Variants in WDR90 observed in about 807,000 individuals in gnomAD.
The protein encoded by WDR90 is WD repeat domain 90.
A neutral mutation model predicts 195.2 loss-of-function variants in WDR90; 238 were observed. The ratio of observed to expected loss-of-function variants is 1.22; its 90% CI spans 1.10 to 1.36. The LOEUF is 1.36. Ranked by LOEUF, WDR90 falls within the 40% of genes most tolerant of loss-of-function variation. The pLI is 0.00. For synonymous variants in WDR90, 1,265 were observed against 1,052.4 expected (o/e 1.20, Z -3.91); for missense variants, 2,734 against 2,439.5 (o/e 1.12, Z -2.54).
At chr16:664,389 C>A (rs2037982012) in intron 34 of WDR90, among the ~76,000 whole-genome samples, 1 of 152,220 alleles carries the variant, frequency 6.6e-6, no homozygotes, top group South Asian at 2.1e-4. Context: ...AGCCAGTCAT[C>A]CCTCTTGATG....
rs753023719 is a variant in WDR90 at position 658,259 on chromosome 16, C to T, written c.2681C>T (p.Pro894Leu). ...TCAGCCATGGCTGTGTGCTTTGGCCCTGCAGCTCTGGGCCACCTGCTGGTG... is the reference window on the plus strand; with the variant it reads ...TCAGCCATGGCTGTGTGCTTTGGCCTTGCAGCTCTGGGCCACCTGCTGGTG... ...LDSAMAVCFG[P>L]AALGHLLVST... The change falls in exon 22 of 41, where the codon CCT becomes CTT. Residue 894 changes from proline (P) to leucine (L), a missense_variant. Coordinates refer to ENST00000293879, the MANE Select transcript of WDR90 (RefSeq NM_145294.5). 4 of 1,612,540 alleles carry T rather than the reference C, an allele frequency of 2.5e-6. No individual in the cohort carries two copies. In the African/African-American group the frequency reaches 4.0e-5, roughly 16 times the overall value.
Position 656,395 on chromosome 16 carries a change from C to A in WDR90, c.2060C>A (p.Thr687Lys), listed in dbSNP as rs756640844. Reference sequence around the variant, plus strand: ...TCGGGCCACCTGGGCTTCCTGGACACGCTGTCCCGGGTGTACCACATGCTG... The same window carrying A: ...TCGGGCCACCTGGGCTTCCTGGACAAGCTGTCCCGGGTGTACCACATGCTG... ...TSSGHLGFLD[T>K]LSRVYHMLAR... The change falls in exon 18 of 41, where the codon ACG (threonine) becomes AAG (lysine). Residue 687 changes from threonine (T) to lysine (K), a missense_variant. Transcript: ENST00000293879. 3.7e-6 allele frequency: 6 copies of A among 1,608,592 alleles called. No individual in the cohort carries two copies. The Admixed American group carries it at 6.7e-5, about 18-fold the overall frequency.
At position 655,717 on chromosome 16, in the gene WDR90, C is replaced by T. The variant is rs996236116; in HGVS notation, c.1849+14C>T. The T allele has an allele frequency of 6.3e-7, 1 of 1,582,908 alleles. No individual in the cohort carries two copies. Among genetic ancestry groups the T allele is most frequent in the Admixed American group, 1.8e-5 (1 of 55,990 alleles). On this transcript the variant is annotated intron_variant, in intron 16 of 40. Transcript: ENST00000293879. The stretch of plus-strand genomic sequence containing the variant: ...CCTTCAGCTCAGGTAAGAGGGCGCC[C>T]ACCACGTGGCCAGGGTGGCAGGGAC...
At position 650,099 on chromosome 16, in the gene WDR90, T is replaced by A. The variant is rs367590677; in HGVS notation, c.211T>A (p.Tyr71Asn). 7.4e-5 allele frequency: 120 copies of A among 1,612,948 alleles called. No individual in the cohort carries two copies. The highest frequency in any genetic ancestry group is 1.0e-4 in the Non-Finnish European group (118 of 1,179,974). Reference sequence around the variant, plus strand: ...CCAGTCTCTGGGGCTGACGGGACGATACCTGTATGTGCTCTTTCGGCCCCT... The same window carrying A: ...CCAGTCTCTGGGGCTGACGGGACGAAACCTGTATGTGCTCTTTCGGCCCCT... ...STQSLGLTGR[Y>N]LYVLFRPLPS... The change falls in exon 3 of 41, where the codon TAC becomes AAC. Residue 71 changes from tyrosine (Y) to asparagine (N), a missense_variant. Physicochemically the swap from Tyr to Asn is moderately radical, Grantham distance 143. Coordinates refer to ENST00000293879, the MANE Select transcript of WDR90 (RefSeq NM_145294.5).
rs761520543 is a variant in WDR90 at position 650,573 on chromosome 16, G to A, written c.423G>A (p.Trp141Ter). The A allele has an allele frequency of 6.2e-7, 1 of 1,612,248 alleles. No homozygotes were observed. ...LVGLAPSGAR[W>*]TCLQLDLQDV... ...GTTTGGCCCCCTCCGGAGCCCGCTGGACCTGCCTGCAGCTCGATCTGCAGG... is the reference window on the plus strand; with the variant it reads ...GTTTGGCCCCCTCCGGAGCCCGCTGAACCTGCCTGCAGCTCGATCTGCAGG... Residue 141 changes from tryptophan to a stop codon, truncating the protein, a stop_gained, in exon 5 of 41, where the codon TGG becomes TGA. Transcript: ENST00000293879. LOFTEE classifies it high-confidence loss of function.
Position 666,789 on chromosome 16 carries a change from G to T in WDR90, c.5001G>T (p.Lys1667Asn). ...TGATCATCTACAACCTCTGCCAGAA[G>T]CAGGTACACGCAGCTGCCCGCGTGT... ...KEVIIYNLCQ[K>N]QVVEKIPLPF... is the part of the protein sequence containing the mutation. Residue 1667 changes from lysine (K) to asparagine (N), a missense_variant, in exon 39 of 41, where the codon AAG becomes AAT. Transcript: ENST00000293879. 6.2e-7 allele frequency: 1 copy of T among 1,612,834 alleles called. No homozygotes were observed. The highest frequency in any genetic ancestry group is 1.1e-5 in the South Asian group (1 of 91,084).
At chr16:660,877 T>C in intron 28 of WDR90, 163 bp downstream of exon 28, 1 of 813,156 alleles carries the variant, frequency 1.2e-6, no homozygotes, top group Non-Finnish European at 1.6e-6. Context: ...CGAGGTCCTG[T>C]GAAGCACTTT....
chr16:659,704 C>T (rs559741339), intron 26 of WDR90, among the ~76,000 whole-genome samples: 9 of 152,320 alleles, frequency 5.9e-5, no homozygotes, highest in African/African-American at 1.4e-4. Context: ...CCTGTGCTCA[C>T]GGAGGAGGAG....
rs1313311909 is a variant in WDR90, at chr16:666,535, C to G, written c.4821C>G (p.Asp1607Glu). The G allele has an allele frequency of 6.2e-7, 1 of 1,612,778 alleles. No individual in the cohort carries two copies. Among genetic ancestry groups the G allele is most frequent in the African/African-American group, 1.3e-5 (1 of 75,048 alleles). The change falls in exon 38 of 41, where the codon GAC becomes GAG. Residue 1607 changes from aspartate (D) to glutamate (E), a missense_variant. Physicochemically the swap from Asp to Glu is conservative, Grantham distance 45. Transcript: ENST00000293879. ...GDQRVSVWAS[D>E]WLRNHCELVD... ...AGCGGGTCAGCGTCTGGGCCTCCGA[C>G]TGGCTGCGGAACCACTGTGAGCTTG...
chr16:662,537 G>A (rs1040567938), intron 33 of WDR90, 142 bp from the exon 34 acceptor site: 3 of 1,298,260 alleles, frequency 2.3e-6, no homozygotes, highest in Non-Finnish European at 3.1e-6. Flanking sequence ...AGCTCCATGG[G>A]CTTTCTCTTC....
chr16:666,980 G>A lies in WDR90; in HGVS notation c.5080G>A (p.Gly1694Ser). The stretch of plus-strand genomic sequence containing the variant: ...CCCCGGGACCCACCTCCTGGCTGTT[G>A]GCTTTGCTGGTGAGTGCTGGTGGAT... ...LSPGTHLLAV[G>S]FAECMLRLVD... is the part of the protein sequence containing the mutation. Residue 1694 changes from glycine (G) to serine (S), a missense_variant, in exon 40 of 41, where the codon GGC (glycine) becomes AGC (serine). Gly to Ser is a moderately conservative substitution (Grantham distance 56, BLOSUM62 0). Coordinates refer to ENST00000293879, the MANE Select transcript of WDR90 (RefSeq NM_145294.5). 1 of 1,602,514 alleles carries A rather than the reference G, an allele frequency of 6.2e-7. No individual in the cohort carries two copies. The highest frequency in any genetic ancestry group is 8.5e-7 in the Non-Finnish European group (1 of 1,174,496).
At position 662,818 on chromosome 16, in the gene WDR90, C is replaced by CGTCT. The variant is rs2037945343; in HGVS notation, c.4286_4289dup (p.Ile1431SerfsTer26). 1 of 1,584,314 alleles carries CGTCT rather than the reference C, an allele frequency of 6.3e-7. No homozygotes were observed. Among genetic ancestry groups the CGTCT allele is most frequent in the Non-Finnish European group, 8.6e-7 (1 of 1,167,800 alleles). On this transcript the variant is annotated frameshift_variant, in exon 34 of 41. Coordinates refer to ENST00000293879, the MANE Select transcript of WDR90 (RefSeq NM_145294.5). LOFTEE classifies it high-confidence loss of function. Reference sequence around the variant, plus strand: ...CAGCTGGGCCGAGGGCACCAGCACACGTCTCATCAGTGGCCACAGGAGCAA... The same window carrying CGTCT: ...CAGCTGGGCCGAGGGCACCAGCACACGTCTGTCTCATCAGTGGCCACAGGAGCAA...
chr16:656,891 CCAGCCCCACG>C lies in WDR90; in HGVS notation c.2342+21_2342+30del. The C allele has an allele frequency of 6.2e-7, 1 of 1,609,516 alleles. No individual in the cohort carries two copies. The highest frequency in any genetic ancestry group is 1.1e-5 in the South Asian group (1 of 90,716). ...ACACACGTAAGTGCCCAGCTGGCCA[CCAGCCCCACG>C]GAGACCCCACGGTGGAAGCTGGGGT... is the stretch of plus-strand genomic sequence containing the variant. On this transcript the variant is annotated intron_variant, in intron 19 of 40. Transcript: ENST00000293879.
At chr16:659,499 G>T in intron 26 of WDR90, 123 bp downstream of exon 26, 1 of 1,309,666 alleles carries the variant, frequency 7.6e-7, no homozygotes, top group Non-Finnish European at 1.1e-6. Context: ...TGCTCATCAG[G>T]TGGAACACAG....
rs753169754 is a variant in WDR90, at chr16:661,506, G to A, written c.3673+5G>A. The A allele has an allele frequency of 6.3e-7, 1 of 1,598,186 alleles. No individual in the cohort carries two copies. Among genetic ancestry groups the A allele is most frequent in the Admixed American group, 1.7e-5 (1 of 59,350 alleles). On this transcript the variant is annotated splice_donor_5th_base_variant and intron_variant, in intron 30 of 40. Transcript: ENST00000293879. ...ACAGGCTTCTTGTCACACTGGGTCA[G>A]TGGGAGGGAGGGTGGAGGCCAGGGG...
rs11866949 is a variant in WDR90 at position 666,273 on chromosome 16, T to C, written c.4663T>C (p.Cys1555Arg). The C allele has an allele frequency of 0.16, 265,879 of 1,612,396 alleles. 34,972 individuals carry two copies. The highest frequency in any genetic ancestry group is 0.7 in the African/African-American group (52,594 of 74,954). ...KDGLVAVSHP[C>R]TGTTFRVLSD... Reference sequence around the variant, plus strand: ...TGGGCTCGTGGCTGTGAGCCACCCCTGCACAGGGACAACCTTCCGTGTGCT... The same window carrying C: ...TGGGCTCGTGGCTGTGAGCCACCCCCGCACAGGGACAACCTTCCGTGTGCT... Residue 1555 changes from cysteine to arginine, a missense_variant, in exon 37 of 41, where the codon TGC becomes CGC. Cys to Arg is a radical substitution (Grantham distance 180). Coordinates refer to ENST00000293879, the MANE Select transcript of WDR90 (RefSeq NM_145294.5).
Position 657,098 on chromosome 16 carries a change from C to G in WDR90, c.2350C>G (p.Arg784Gly). The G allele has an allele frequency of 6.3e-7, 1 of 1,596,434 alleles. No individual in the cohort carries two copies. Among genetic ancestry groups the G allele is most frequent in the Non-Finnish European group, 8.5e-7 (1 of 1,174,722 alleles). ...AEVLVEHTCHRGAVTGLTATP... is the reference protein window; with the variant it reads ...AEVLVEHTCHGGAVTGLTATP... ...TCCCTGTGTGTGCTGCAGGTGCCAC[C>G]GAGGAGCTGTCACCGGCCTGACCGC... is the stretch of plus-strand genomic sequence containing the variant. The change falls in exon 20 of 41, where the codon CGA (arginine) becomes GGA (glycine). Residue 784 changes from arginine to glycine, a missense_variant. By Grantham distance (125) the Arg-to-Gly change is moderately radical. Transcript: ENST00000293879.
In WDR90 at chr16:652,027, C is replaced by A; in HGVS notation, c.1041C>A (p.Thr347=). Residue 347 remains threonine (T), a synonymous_variant, in exon 9 of 41, where the codon ACC becomes ACA. Coordinates refer to ENST00000293879, the MANE Select transcript of WDR90 (RefSeq NM_145294.5). ...HESAEVPVAR[T]GSCEGFLPDP... ...CGGCTGAGGTGCCCGTGGCCCGCACCGGCTCCTGCGAAGTGAGTGCCCATC... is the reference window on the plus strand; with the variant it reads ...CGGCTGAGGTGCCCGTGGCCCGCACAGGCTCCTGCGAAGTGAGTGCCCATC... 1 of 1,594,740 alleles carries A rather than the reference C, an allele frequency of 6.3e-7. No homozygotes were observed.
rs1157969887 is a variant in WDR90 at position 657,221 on chromosome 16, G to A, written c.2473G>A (p.Ala825Thr). 2.2e-5 allele frequency: 34 copies of A among 1,543,330 alleles called. No individual in the cohort carries two copies. The highest frequency in any genetic ancestry group is 2.4e-5 in the Non-Finnish European group (27 of 1,142,562). Residue 825 changes from alanine (A) to threonine (T), a missense_variant and splice_region_variant, in exon 20 of 41, where the codon GCG (alanine) becomes ACG (threonine). Ala to Thr is a moderately conservative substitution (Grantham distance 58). Coordinates refer to ENST00000293879, the MANE Select transcript of WDR90 (RefSeq NM_145294.5). ...DPQWHVLRVA[A>T]DMVCPDAPAS... ...CCAGTGGCATGTCCTCCGAGTGGCA[G>A]GTTGGGCCCCCTGCAGCCACTCTGG... is the stretch of plus-strand genomic sequence containing the variant.
Sources: allele counts gnomAD v4.1 joint callset (sites outside exome capture counted in the v4.1 genomes callset), GRCh38; gene constraint gnomAD v4.1.1; transcripts MANE v1.5; gene names NCBI Gene and HGNC (gene_info 2026-07-23, HGNC 2026-07-21).